The following CEP120 variants were observed in gnomAD, a reference collection of about 807,000 sequenced individuals.
CEP120 encodes centrosomal protein of 120 kDa.
In CEP120, 113 loss-of-function variants were observed where a neutral mutation model predicts 126.5. The observed-to-expected ratio is 0.89, with a 90% confidence interval of 0.77 to 1.04. CEP120 has a LOEUF of 1.04. Ranked by LOEUF, CEP120 falls within the 50% of genes least tolerant of loss-of-function variation. The pLI, the probability that CEP120 is intolerant of heterozygous loss-of-function variation, is 0.00. For synonymous variants in CEP120, 400 were observed against 394.3 expected (o/e 1.01, Z -0.17); for missense variants, 1,230 against 1,155.7 (o/e 1.06, Z -0.93).
chr5:123,411,867 T>C (rs1774081419), intron 4 of CEP120, among the ~76,000 whole-genome samples: 2 of 152,220 alleles, frequency 1.3e-5, no homozygotes, highest in Non-Finnish European at 2.9e-5. Flanking sequence ...ATATGAATGA[T>C]ATGATATGTT....
chr5:123,395,459 C>T (rs547045744), intron 5 of CEP120, among the ~76,000 whole-genome samples: 24 of 152,212 alleles, frequency 1.6e-4, no homozygotes, highest in African/African-American at 5.8e-4. Context: ...TAATTTCATC[C>T]CAAACATAAA....
rs776098623 is a variant in CEP120 at position 123,388,471 on chromosome 5, T to A, written c.1391A>T (p.His464Leu). The A allele has an allele frequency of 1.3e-6, 2 of 1,591,778 alleles. No homozygotes were observed. Among genetic ancestry groups the A allele is most frequent in the East Asian group, 4.6e-5 (2 of 43,908 alleles). ...GATTGGAAAACCAATCTCCAAGGCA[T>A]GTATACTCCTTAAGTCTATTGAAAA... ...FCFSIDLRSI[H>L]ALEIGFPINC... The change falls in exon 9 of 20, where the codon CAT becomes CTT. Residue 464 changes from histidine to leucine, a missense_variant. Transcript: ENST00000306467.
In CEP120 at chr5:123,378,647, A is replaced by G. The variant is rs180913802; in HGVS notation, c.2104-219T>C. ...TCCTCTTGGTCTTTTTTCTTCTCCA[A>G]GATAAACACAAATTTTAACTGTTAT... On this transcript the variant is annotated intron_variant, in intron 14 of 19. Transcript: ENST00000306467. Among the ~76,000 whole-genome samples the G allele has an allele frequency of 2.5e-3, 376 of 152,212 alleles. 4 individuals are homozygous for G. The highest frequency in any genetic ancestry group is 8.6e-3 in the African/African-American group (359 of 41,560).
intron 6 of CEP120, 135 bp from the exon 7 acceptor site, chr5:123,391,472 G>T: frequency 1.5e-6 from 1 of 651,230 alleles, no homozygotes; most frequent in Non-Finnish European, 2.6e-6. Flanking sequence ...TTGACCTCAA[G>T]TGACGAAGTA....
chr5:123,407,116 AAAAC>A (rs1562084594), intron 4 of CEP120, among the ~76,000 whole-genome samples: 1 of 151,236 alleles, frequency 6.6e-6, no homozygotes, highest in Non-Finnish European at 1.5e-5. Flanking sequence ...AAAAAAAAAA[AAAAC>A]AAAAAACAAA....
intron 1 of CEP120, among the ~76,000 whole-genome samples, chr5:123,421,801 A>G (rs867445706): frequency 1.1e-3 from 171 of 152,326 alleles, no homozygotes; most frequent in African/African-American, 3.8e-3. Flanking sequence ...TTTCAGTCCT[A>G]TGTTTTTAAA....
At chr5:123,359,444 TATG>T (rs1333534077) in intron 18 of CEP120, among the ~76,000 whole-genome samples, 1 of 152,106 alleles carries the variant, frequency 6.6e-6, no homozygotes, top group Non-Finnish European at 1.5e-5. Context: ...AATATGCAAA[TATG>T]TTGTTTAGAG....
intron 18 of CEP120, among the ~76,000 whole-genome samples, chr5:123,351,884 T>C (rs1769223329): frequency 6.6e-6 from 1 of 152,160 alleles, no homozygotes; most frequent in African/African-American, 2.4e-5. Context: ...TCAACCTGTA[T>C]TTCCAAACAG....
chr5:123,371,378 G>C (rs970540037), intron 17 of CEP120, among the ~76,000 whole-genome samples: 13 of 152,020 alleles, frequency 8.6e-5, no homozygotes, highest in African/African-American at 3.1e-4. Flanking sequence ...AGCTGGTACA[G>C]GCAAACTCCC....
Position 123,423,238 on chromosome 5 carries a change from C to T in CEP120, c.-240G>A, listed in dbSNP as rs926863954. 2 of 536,760 alleles carry T rather than the reference C, an allele frequency of 3.7e-6. No individual in the cohort carries two copies. The highest frequency in any genetic ancestry group is 3.4e-5 in the Admixed American group (1 of 29,504). The allele number at this position is 536,760 out of a possible 1,614,324, so 33.2% of individuals were successfully genotyped here. A position where few individuals can be genotyped will look rare whatever the true frequency, so the allele number is the denominator to read the frequency against. ...ACTCAAGGAAAAAGCCACGCTGCAG[C>T]CCTGCCAGTCTGCAAGCAGAGACAA... On this transcript the variant is annotated 5_prime_UTR_variant, in exon 1 of 20. Coordinates refer to ENST00000306467, the MANE Select transcript of CEP120 (RefSeq NM_001375405.1).
In CEP120 at chr5:123,386,547, C is replaced by T. The variant is rs1290481187; in HGVS notation, c.1551G>A (p.Met517Ile). ...AGAAGGTGTCTTGCAGCTGATGAGG[C>T]ATAGTTGCAAAATCAAATGCACAGT... Reference protein sequence around the residue: ...QSYCAFDFATMPHQLQDTFLR... With the variant: ...QSYCAFDFATIPHQLQDTFLR... The change falls in exon 10 of 20, where the codon ATG becomes ATA. Residue 517 changes from methionine to isoleucine, a missense_variant. Coordinates refer to ENST00000306467, the MANE Select transcript of CEP120 (RefSeq NM_001375405.1). 3 of 1,584,212 alleles carry T rather than the reference C, an allele frequency of 1.9e-6. No individual in the cohort carries two copies. The highest frequency in any genetic ancestry group is 2.6e-6 in the Non-Finnish European group (3 of 1,167,384).
At chr5:123,377,657 T>A in intron 15 of CEP120, 122 bp from the exon 16 acceptor site, 1 of 755,392 alleles carries the variant, frequency 1.3e-6, no homozygotes, top group Non-Finnish European at 2.0e-6. Flanking sequence ...TTTCATATCT[T>A]TTTTAGTTAT....
chr5:123,398,081 TC>T (rs1394093585), intron 5 of CEP120, among the ~76,000 whole-genome samples: 2 of 152,130 alleles, frequency 1.3e-5, no homozygotes, highest in Non-Finnish European at 2.9e-5. Flanking sequence ...AAGACCTGTC[TC>T]TTAGGGGAAA....
intron 5 of CEP120, among the ~76,000 whole-genome samples, chr5:123,397,285 T>C (rs1246971269): frequency 3.9e-5 from 6 of 152,002 alleles, no homozygotes; most frequent in Non-Finnish European, 7.4e-5. Context: ...GATTGCACCA[T>C]TGCACTCCAG....
intron 18 of CEP120, among the ~76,000 whole-genome samples, chr5:123,353,231 T>C (rs1769324322): frequency 6.6e-6 from 1 of 152,010 alleles, no homozygotes; most frequent in Admixed American, 6.6e-5. Context: ...GAATGTTTTT[T>C]GTAGGCTTTA....
At chr5:123,421,998 A>G (rs1292119843) in intron 1 of CEP120, among the ~76,000 whole-genome samples, 2 of 152,210 alleles carry the variant, frequency 1.3e-5, no homozygotes, top group African/African-American at 4.8e-5. Context: ...CTCTGGCTCA[A>G]GATGACTCCT....
In CEP120 at chr5:123,382,594, A is replaced by G. The variant is rs761627970; in HGVS notation, c.2013+143T>C. 5.5e-6 allele frequency: 4 copies of G among 731,274 alleles called. No homozygotes were observed. In the African/African-American group the frequency reaches 5.5e-5, roughly 10 times the overall value. The allele number at this position is 731,274 out of a possible 1,614,324, so 45.3% of individuals were successfully genotyped here. ...ATTTCAGGTATTTTTTGATTCTCAA[A>G]TTTTTTTAAGTAAAGCATTGTTGAC... On this transcript the variant is annotated intron_variant, in intron 13 of 19. Transcript: ENST00000306467.
chr5:123,417,823 T>G (rs531815565), intron 2 of CEP120, among the ~76,000 whole-genome samples: 1 of 152,264 alleles, frequency 6.6e-6, no homozygotes, highest in African/African-American at 2.4e-5. Context: ...TTAAAACAAG[T>G]TACTAATACT....
At chr5:123,421,875 T>C (rs887435943) in intron 1 of CEP120, among the ~76,000 whole-genome samples, 3 of 152,230 alleles carry the variant, frequency 2.0e-5, no homozygotes, top group Non-Finnish European at 4.4e-5. Context: ...CAGTCTCTTG[T>C]TCCAAAATTC....
Sources: gnomAD v4.1 joint callset for allele counts (sites outside exome capture counted in the v4.1 genomes callset) on GRCh38, gnomAD v4.1.1 for gene constraint, MANE v1.5 for transcripts, NCBI Gene and HGNC (gene_info 2026-07-23, HGNC 2026-07-21) for gene names.